The following PLCE1 variants were observed in gnomAD, a reference collection of about 807,000 sequenced individuals.
The protein encoded by PLCE1 is phospholipase C epsilon 1.
Under a neutral mutation model 242.8 loss-of-function variants are expected in PLCE1, and 119 were observed. The observed-to-expected ratio is 0.49, with a 90% CI of 0.42 to 0.57. The LOEUF (loss-of-function observed/expected upper bound fraction) is 0.57. Among genes scored for constraint, PLCE1 ranks in the 20% least tolerant of loss-of-function variants. The pLI is 0.00. For missense variants in PLCE1, 2,441 were observed against 2,788.8 expected (o/e 0.88, Z 2.81); for synonymous variants, 945 against 1,017.4 (o/e 0.93, Z 1.35).
At chr10:94,201,481 T>C (rs1330581764) in intron 4 of PLCE1, among the ~76,000 whole-genome samples, 3 of 152,146 alleles carry the variant, frequency 2.0e-5, no homozygotes, top group Non-Finnish European at 4.4e-5. Flanking sequence ...CTTGATGAAG[T>C]TTTTAATTTT....
rs752172634 is a variant in PLCE1 at position 94,031,748 on chromosome 10, C to T, written c.702C>T (p.Thr234=). Residue 234 remains threonine, a synonymous_variant, in exon 2 of 33, where the codon ACC becomes ACT. Coordinates refer to ENST00000371380, the MANE Select transcript of PLCE1 (RefSeq NM_016341.4). ...AAAAGAAAAACTATGTGGCATATACCTGTAAACTGATGGAATTGGCCAAAA... is the reference window on the plus strand; with the variant it reads ...AAAAGAAAAACTATGTGGCATATACTTGTAAACTGATGGAATTGGCCAAAA... ...EKQKKNYVAY[T]CKLMELAKNC... The T allele has an allele frequency of 4.3e-6, 7 of 1,613,780 alleles. No individual in the cohort carries two copies. The South Asian group carries it at 6.6e-5, about 15-fold the overall frequency.
intron 4 of PLCE1, 185 bp from the exon 5 acceptor site, chr10:94,227,121 C>T (rs1336210546): frequency 3.4e-6 from 2 of 586,574 alleles, no homozygotes; most frequent in Admixed American, 2.5e-5. Context: ...AGGTGATTCG[C>T]CCACCTCAGC....
Position 94,298,515 on chromosome 10 carries a change from G to A in PLCE1, c.5304G>A (p.Leu1768=). 1.2e-6 allele frequency: 2 copies of A among 1,614,046 alleles called. No homozygotes were observed. Among genetic ancestry groups the A allele is most frequent in the Non-Finnish European group, 1.7e-6 (2 of 1,179,998 alleles). ...SSLNENAAKR[L]CRRYSQKLTQ... is the part of the protein sequence containing the mutation. Reference sequence around the variant, plus strand: ...TGAATGAAAATGCCGCCAAACGTCTGTGTCGCAGGTATTCTCAGAAACTGA... The same window carrying A: ...TGAATGAAAATGCCGCCAAACGTCTATGTCGCAGGTATTCTCAGAAACTGA... The change falls in exon 24 of 33, where the codon CTG becomes CTA. Residue 1768 remains leucine (L), a synonymous_variant. Coordinates refer to ENST00000371380, the MANE Select transcript of PLCE1 (RefSeq NM_016341.4). The surrounding 1 kb of genome is among the most constrained non-coding windows in gnomAD (Gnocchi z 5.2).
At chr10:93,995,687 T>C (rs2060806473) in intron 1 of PLCE1, among the ~76,000 whole-genome samples, 1 of 152,242 alleles carries the variant, frequency 6.6e-6, no homozygotes, top group African/African-American at 2.4e-5. Flanking sequence ...CTATCCTTTA[T>C]TTACAGCCCC....
intron 21 of PLCE1, 25 bp from the exon 22 acceptor site, chr10:94,284,823 A>G: frequency 8.0e-7 from 1 of 1,253,832 alleles, no homozygotes; most frequent in South Asian, 1.2e-5. Flanking sequence ...TTCCATGTAA[A>G]ATGGTATCAT....
intron 2 of PLCE1, among the ~76,000 whole-genome samples, chr10:94,094,341 A>G (rs1415111353): frequency 6.6e-6 from 1 of 152,084 alleles, no homozygotes; most frequent in Non-Finnish European, 1.5e-5. Context: ...GTAAACAATT[A>G]CAGTAGAGCA....
rs141734493 is a variant in PLCE1 at position 94,234,006 on chromosome 10, C to T, written c.1956-48C>T. The stretch of plus-strand genomic sequence containing the variant: ...TGGAATTTAGGCTCCTTGCTGTAAA[C>T]TATATTATTTCTCCTTCAGTCTGAA... On this transcript the variant is annotated intron_variant, in intron 5 of 32. Transcript: ENST00000371380. 1,695 of 1,526,378 alleles carry T rather than the reference C, an allele frequency of 1.1e-3. 17 individuals carry two copies. The African/African-American group carries it at 0.02, about 18-fold the overall frequency. The allele number at this position is 1,526,378 out of a possible 1,614,324, so 94.6% of individuals were successfully genotyped here. A position where few individuals can be genotyped will look rare whatever the true frequency, so the allele number is the denominator to read the frequency against.
chr10:94,192,585 T>C (rs1002571392), intron 4 of PLCE1, among the ~76,000 whole-genome samples: 1 of 152,228 alleles, frequency 6.6e-6, no homozygotes, highest in African/African-American at 2.4e-5. Context: ...CCACCATTGA[T>C]GGGCACCTAG....
chr10:94,241,920 G>A (rs1251386417), intron 7 of PLCE1, among the ~76,000 whole-genome samples: 1 of 152,004 alleles, frequency 6.6e-6, no homozygotes, highest in East Asian at 1.9e-4. Flanking sequence ...ACTTTACCAA[G>A]ACAGGCGCTG....
chr10:94,098,289 CCT>C (rs1474591752), intron 2 of PLCE1, among the ~76,000 whole-genome samples: 6 of 152,152 alleles, frequency 3.9e-5, no homozygotes, highest in African/African-American at 1.4e-4. Context: ...ATAATGACCC[CCT>C]CTTTACCCAT....
At chr10:94,019,749 C>G (rs1448265111) in intron 1 of PLCE1, among the ~76,000 whole-genome samples, 1 of 152,048 alleles carries the variant, frequency 6.6e-6, no homozygotes, top group African/African-American at 2.4e-5. Context: ...TTAGACAGCA[C>G]AGATCTAAAC....
chr10:94,067,869 A>G (rs1397631671), intron 2 of PLCE1, among the ~76,000 whole-genome samples: 1 of 152,218 alleles, frequency 6.6e-6, no homozygotes, highest in Admixed American at 6.5e-5. Context: ...AGCCTCCAGC[A>G]TCCAGAGCTT....
chr10:93,994,123 G>C lies in PLCE1; in HGVS notation c.-500G>C, dbSNP rs1352952751. ...TCGGGCACTTGCCTGGCTCCTGCGC[G>C]TTCCTGGGCATCGGCTCTGCAGCTG... On this transcript the variant is annotated 5_prime_UTR_variant, in exon 1 of 33. Coordinates refer to ENST00000371380, the MANE Select transcript of PLCE1 (RefSeq NM_016341.4). 6.6e-6 allele frequency among the ~76,000 whole-genome samples: 1 copy of C among 152,088 alleles called. No individual in the cohort carries two copies. The highest frequency in any genetic ancestry group is 1.9e-4 in the East Asian group (1 of 5,172).
intron 3 of PLCE1, among the ~76,000 whole-genome samples, chr10:94,134,292 T>A (rs2046699602): frequency 1.3e-5 from 2 of 151,892 alleles, no homozygotes; most frequent in Admixed American, 1.3e-4. Flanking sequence ...AGAGACGGGG[T>A]TTTGCCATGT....
chr10:94,133,613 C>A (rs1477019719), intron 3 of PLCE1, among the ~76,000 whole-genome samples: 1 of 152,216 alleles, frequency 6.6e-6, no homozygotes, highest in African/African-American at 2.4e-5. Flanking sequence ...CCCACACACA[C>A]ACCCCTAGAC....
At chr10:94,130,971 GCTC>G (rs1232095726) in intron 2 of PLCE1, among the ~76,000 whole-genome samples, 1 of 152,190 alleles carries the variant, frequency 6.6e-6, no homozygotes, top group Non-Finnish European at 1.5e-5. Context: ...CCTACTCTAA[GCTC>G]TTGGCTTTTC....
intron 4 of PLCE1, among the ~76,000 whole-genome samples, chr10:94,190,102 G>A (rs1477398044): frequency 6.6e-6 from 1 of 152,064 alleles, no homozygotes; most frequent in East Asian, 1.9e-4. Context: ...GGGCAACATG[G>A]TGAAACCCCA....
intron 7 of PLCE1, among the ~76,000 whole-genome samples, chr10:94,238,984 C>G (rs1022811763): frequency 1.3e-5 from 2 of 152,200 alleles, no homozygotes; most frequent in African/African-American, 4.8e-5. Flanking sequence ...CTTACTATTT[C>G]TGTCACCTAG....
chr10:94,133,260 G>A lies in PLCE1; in HGVS notation c.1492+801G>A, dbSNP rs143573903. On this transcript the variant is annotated intron_variant, in intron 3 of 32. Coordinates refer to ENST00000371380, the MANE Select transcript of PLCE1 (RefSeq NM_016341.4). ...ACTCCCATCTTAAAGGACAAGATAG[G>A]CAGGCATCCCACTGAAAGATGAAAG... 2.0e-5 allele frequency among the ~76,000 whole-genome samples: 3 copies of A among 152,280 alleles called. No individual in the cohort carries two copies. The East Asian group carries it at 5.8e-4, about 29-fold the overall frequency.
Sources: gnomAD v4.1 joint callset for allele counts (sites outside exome capture counted in the v4.1 genomes callset) on GRCh38, gnomAD v4.1.1 for gene constraint, Gnocchi (gnomAD v3.1) non-coding constraint, MANE v1.5 for transcripts, NCBI Gene and HGNC (gene_info 2026-07-23, HGNC 2026-07-21) for gene names.